ATRX: variants seen among roughly 807,000 people sequenced by gnomAD.
The protein encoded by ATRX is ATRX chromatin remodeler.
A neutral mutation model predicts 172.6 loss-of-function variants in ATRX; 12 were observed. The ratio of observed to expected loss-of-function variants is 0.07; its 90% CI spans 0.04 to 0.11. ATRX has a LOEUF of 0.11. Among genes scored for constraint, ATRX ranks in the 10% least tolerant of loss-of-function variants. ATRX has a pLI of 1.00. For missense variants in ATRX, 1,368 were observed against 1,767.4 expected (o/e 0.77, Z 4.05); for synonymous variants, 674 against 594.7 (o/e 1.13, Z -1.94).
Position 77,660,976 on chromosome X carries a change from A to G in ATRX, c.4120+2406T>C, listed in dbSNP as rs139416120. On this transcript the variant is annotated intron_variant, in intron 12 of 34. Transcript: ENST00000373344. ...ACTCAAGTCAATCTTCCTCTTCTCC[A>G]ACAACCCCATTTGTCATCAACTACA... Among the ~76,000 whole-genome samples, 278 of 112,211 alleles carry G rather than the reference A, an allele frequency of 2.5e-3. 1 individual carries two copies. Among genetic ancestry groups the G allele is most frequent in the Middle Eastern group, 0.018 (4 of 217 alleles).
At chrX:77,607,273 T>C (rs2066947957) in intron 22 of ATRX, among the ~76,000 whole-genome samples, 1 of 112,407 alleles carries the variant, frequency 8.9e-6, no homozygotes, top group Non-Finnish European at 1.9e-5. Flanking sequence ...CTATTCGAAC[T>C]GATCAGCAAT....
chrX:77,703,341 T>A (rs782008074), intron 2 of ATRX, among the ~76,000 whole-genome samples: 9 of 112,882 alleles, frequency 8.0e-5, no homozygotes, highest in Non-Finnish European at 1.7e-4. Context: ...AAGGGGTATG[T>A]GAGCAAGTGT....
intron 1 of ATRX, among the ~76,000 whole-genome samples, chrX:77,775,274 A>G (rs1045072414): frequency 2.7e-5 from 3 of 111,819 alleles, no homozygotes; most frequent in East Asian, 5.6e-4. Context: ...CAAATTTTCT[A>G]CAAGTCTGAA....
At chrX:77,780,312 G>A (rs1290486348) in intron 1 of ATRX, among the ~76,000 whole-genome samples, 2 of 110,533 alleles carry the variant, frequency 1.8e-5, no homozygotes, top group Admixed American at 1.9e-4. Context: ...ACTCATATAA[G>A]CAGAATTTTT....
chrX:77,717,934 A>G (rs781794072), intron 1 of ATRX, among the ~76,000 whole-genome samples: 1 of 111,815 alleles, frequency 8.9e-6, no homozygotes, highest in South Asian at 3.7e-4. Context: ...TCATATTTAA[A>G]TTATATCCAT....
intron 1 of ATRX, among the ~76,000 whole-genome samples, chrX:77,764,818 G>A (rs1297032266): frequency 6.2e-5 from 7 of 112,052 alleles, no homozygotes; most frequent in Non-Finnish European, 3.8e-5. Context: ...ATTCAATGTA[G>A]AAACTGCATT....
intron 34 of ATRX, 21 bp downstream of exon 34, chrX:77,520,767 G>T: frequency 8.3e-7 from 1 of 1,202,793 alleles, no homozygotes; most frequent in Non-Finnish European, 1.1e-6. Flanking sequence ...CCTAGAAATA[G>T]TCAGACGTCA....
chrX:77,686,092 T>C (rs782153686), intron 7 of ATRX, among the ~76,000 whole-genome samples: 1 of 111,687 alleles, frequency 9.0e-6, no homozygotes, highest in South Asian at 3.7e-4. Flanking sequence ...TGGGGATGGT[T>C]AATGAGTACA....
At chrX:77,696,904 G>A (rs782410359) in intron 4 of ATRX, among the ~76,000 whole-genome samples, 200 bp from the exon 5 acceptor site, 1 of 111,570 alleles carries the variant, frequency 9.0e-6, no homozygotes. Flanking sequence ...CAAGGCATAC[G>A]CATTCTGAAA....
intron 30 of ATRX, among the ~76,000 whole-genome samples, chrX:77,532,834 A>G (rs2063622487): frequency 8.9e-6 from 1 of 112,303 alleles, no homozygotes; most frequent in African/African-American, 3.2e-5. Flanking sequence ...AGCAAAAGAA[A>G]CGATCATCAG....
At position 77,592,272 on chromosome X, in the gene ATRX, G is replaced by A. The variant is rs781971854; in HGVS notation, c.6110+1424C>T. Among the ~76,000 whole-genome samples the A allele has an allele frequency of 1.1e-4, 12 of 108,239 alleles. No homozygotes were observed. In the South Asian group the frequency reaches 4.6e-3, roughly 41 times the overall value. The allele number at this position is 108,239 out of a possible 115,157, so 94.0% of individuals were successfully genotyped here. A position where few individuals can be genotyped will look rare whatever the true frequency, so the allele number is the denominator to read the frequency against. On this transcript the variant is annotated intron_variant, in intron 26 of 34. Coordinates refer to ENST00000373344, the MANE Select transcript of ATRX (RefSeq NM_000489.6). ...ATTAAAAAAACAAAATTAGCTGGGC[G>A]TGGTGGTGTGTGCCTGTAATCCCAG...
intron 1 of ATRX, among the ~76,000 whole-genome samples, chrX:77,718,045 T>C (rs1248075914): frequency 9.0e-6 from 1 of 111,678 alleles, no homozygotes; most frequent in Non-Finnish European, 1.9e-5. Context: ...AGCTTATATT[T>C]GGGAAATCCT....
intron 1 of ATRX, among the ~76,000 whole-genome samples, chrX:77,753,572 C>T: frequency 9.0e-6 from 1 of 111,407 alleles, no homozygotes; most frequent in Non-Finnish European, 1.9e-5. Context: ...CATTTTAGAT[C>T]TTTCCTGCTT....
intron 19 of ATRX, among the ~76,000 whole-genome samples, chrX:77,632,584 C>T (rs1342279142): frequency 2.7e-5 from 3 of 111,773 alleles, no homozygotes; most frequent in Non-Finnish European, 3.8e-5. Flanking sequence ...AAAATAAAAC[C>T]TCAATAGTGT....
chrX:77,566,553 G>T (rs1450041158), intron 28 of ATRX, among the ~76,000 whole-genome samples: 1 of 111,936 alleles, frequency 8.9e-6, no homozygotes, highest in Non-Finnish European at 1.9e-5. Context: ...AGGAGTTCAA[G>T]ACCAGCCTGG....
intron 2 of ATRX, among the ~76,000 whole-genome samples, chrX:77,708,635 G>A (rs1230954550): frequency 9.1e-6 from 1 of 110,175 alleles, no homozygotes; most frequent in African/African-American, 3.3e-5. Context: ...ACTCCAGCCT[G>A]GGCAACAGAA....
intron 4 of ATRX, 21 bp from the exon 5 acceptor site, chrX:77,696,725 T>C (rs781887310): frequency 5.9e-6 from 7 of 1,181,793 alleles, no homozygotes; most frequent in Non-Finnish European, 8.0e-6. Flanking sequence ...ATTAAGTTCA[T>C]AGAATTATGA....
intron 30 of ATRX, among the ~76,000 whole-genome samples, chrX:77,546,807 C>T (rs1557053595): frequency 8.9e-6 from 1 of 111,922 alleles, no homozygotes; most frequent in Non-Finnish European, 1.9e-5. Context: ...TTTAATCAAG[C>T]CACCAGGTGA....
At chrX:77,712,975 C>G (rs960547317) in intron 2 of ATRX, among the ~76,000 whole-genome samples, 3 of 110,237 alleles carry the variant, frequency 2.7e-5, no homozygotes, top group Non-Finnish European at 5.7e-5. Context: ...ATGGTGAAAC[C>G]CTGTCTCTAC....
Sources: allele counts gnomAD v4.1 joint callset (sites outside exome capture counted in the v4.1 genomes callset), GRCh38; gene constraint gnomAD v4.1.1; transcripts MANE v1.5; gene names NCBI Gene and HGNC (gene_info 2026-07-23, HGNC 2026-07-21).